ADAMTS19: variants seen among roughly 807,000 people sequenced by gnomAD.
ADAMTS19 encodes A disintegrin and metalloproteinase with thrombospondin motifs 19.
Under a neutral mutation model 153.3 loss-of-function variants are expected in ADAMTS19, and 93 were observed. The ratio of observed to expected loss-of-function variants is 0.61; its 90% confidence interval spans 0.51 to 0.72. The LOEUF is 0.72. Ranked by LOEUF, ADAMTS19 falls within the 30% of genes least tolerant of loss-of-function variation. The pLI is 0.00. For synonymous variants in ADAMTS19, 600 were observed against 556.6 expected, an observed-to-expected ratio of 1.08 and a Z score of -1.10; for missense variants, 1,482 against 1,552.1, an observed-to-expected ratio of 0.95 and a Z score of 0.76.
At chr5:129,648,594 GTA>G (rs1753171127) in intron 12 of ADAMTS19, among the ~76,000 whole-genome samples, 1 of 151,904 alleles carries the variant, frequency 6.6e-6, no homozygotes. Context: ...ATTTTGGAAG[GTA>G]TATTGATCAA....
chr5:129,537,085 A>G (rs1012644576), intron 6 of ADAMTS19, among the ~76,000 whole-genome samples: 27 of 152,188 alleles, frequency 1.8e-4, no homozygotes, highest in African/African-American at 6.5e-4. Flanking sequence ...AGAAAAAAGA[A>G]AAAAACAACC....
chr5:129,650,845 A>C (rs1377564496), intron 13 of ADAMTS19, among the ~76,000 whole-genome samples: 1 of 152,104 alleles, frequency 6.6e-6, no homozygotes, highest in East Asian at 1.9e-4. Context: ...CACCCTTCTC[A>C]AAAGACCTGC....
At chr5:129,475,461 G>A (rs920040224) in intron 2 of ADAMTS19, among the ~76,000 whole-genome samples, 1 of 152,164 alleles carries the variant, frequency 6.6e-6, no homozygotes, top group Non-Finnish European at 1.5e-5. Flanking sequence ...ATACCATACT[G>A]TATTGATTTA....
intron 21 of ADAMTS19, among the ~76,000 whole-genome samples, chr5:129,711,675 CA>C (rs1414552029): frequency 3.5e-4 from 45 of 127,224 alleles, no homozygotes; most frequent in East Asian, 1.8e-3. Flanking sequence ...GACTCTGTCT[CA>C]AAAAAAAAAA....
At chr5:129,558,288 A>T (rs1753382519) in intron 7 of ADAMTS19, among the ~76,000 whole-genome samples, 1 of 152,138 alleles carries the variant, frequency 6.6e-6, no homozygotes, top group Admixed American at 6.5e-5. Context: ...AAAACAGATT[A>T]TAGAATTAAA....
Position 129,461,424 on chromosome 5 carries a change from G to T in ADAMTS19, c.414G>T (p.Leu138Phe). 7.2e-7 allele frequency: 1 copy of T among 1,396,530 alleles called. No homozygotes were observed. The allele number at this position is 1,396,530 out of a possible 1,614,324, so 86.5% of individuals were successfully genotyped here. Residue 138 changes from leucine (L) to phenylalanine (F), a missense_variant, in exon 2 of 23, where the codon TTG becomes TTT. By Grantham distance (22) the Leu-to-Phe change is conservative. Around this residue, in one of 2 missense-constraint regions of ADAMTS19, gnomAD observed 866 missense variants for 827.7 expected, o/e 1.05. Coordinates refer to ENST00000274487, the MANE Select transcript of ADAMTS19 (RefSeq NM_133638.6). This position sits in a 1 kb window ranked among gnomAD's most constrained non-coding sequence, Gnocchi z 4.6. ...LPRGSSGAAALSPGAPASWQP... is the reference protein window; with the variant it reads ...LPRGSSGAAAFSPGAPASWQP... ...GGGGATCCAGCGGGGCTGCCGCCTTGTCCCCGGGCGCCCCGGCCTCGTGGC... is the reference window on the plus strand; with the variant it reads ...GGGGATCCAGCGGGGCTGCCGCCTTTTCCCCGGGCGCCCCGGCCTCGTGGC...
At chr5:129,531,725 G>A (rs1408004147) in intron 6 of ADAMTS19, among the ~76,000 whole-genome samples, 2 of 152,100 alleles carry the variant, frequency 1.3e-5, no homozygotes, top group East Asian at 1.9e-4. Context: ...GAACAAATTG[G>A]ATGGACTTAC....
chr5:129,593,288 C>A (rs1750229787), intron 7 of ADAMTS19, among the ~76,000 whole-genome samples: 1 of 152,148 alleles, frequency 6.6e-6, no homozygotes, highest in Admixed American at 6.6e-5. Context: ...GGCCACCTAC[C>A]ACTGTCCCAA....
chr5:129,652,039 T>C (rs1753339409), intron 13 of ADAMTS19, among the ~76,000 whole-genome samples: 1 of 152,000 alleles, frequency 6.6e-6, no homozygotes, highest in African/African-American at 2.4e-5. Context: ...TAAAAAAAAA[T>C]CAGAGTTGGA....
intron 10 of ADAMTS19, among the ~76,000 whole-genome samples, chr5:129,635,078 A>G (rs538992125): frequency 2.0e-4 from 30 of 152,266 alleles, no homozygotes; most frequent in African/African-American, 7.0e-4. Flanking sequence ...TACAAGCAAA[A>G]AACAAGCAAC....
At chr5:129,717,386 A>G (rs1157763252) in intron 21 of ADAMTS19, among the ~76,000 whole-genome samples, 1 of 152,190 alleles carries the variant, frequency 6.6e-6, no homozygotes, top group African/African-American at 2.4e-5. Context: ...ATTTGATAAC[A>G]ACTAAGATTT....
At chr5:129,585,958 C>T (rs1433202683) in intron 7 of ADAMTS19, among the ~76,000 whole-genome samples, 1 of 151,680 alleles carries the variant, frequency 6.6e-6, no homozygotes, top group African/African-American at 2.4e-5. Flanking sequence ...GTGTTTTGTT[C>T]TGTTTGTTTT....
At chr5:129,678,097 GCCA>G (rs1754630629) in intron 16 of ADAMTS19, among the ~76,000 whole-genome samples, 1 of 152,076 alleles carries the variant, frequency 6.6e-6, no homozygotes, top group Non-Finnish European at 1.5e-5. Flanking sequence ...ACAGGTGTGA[GCCA>G]CCACACCGGC....
At chr5:129,514,443 A>G (rs890943834) in intron 3 of ADAMTS19, among the ~76,000 whole-genome samples, 4 of 152,048 alleles carry the variant, frequency 2.6e-5, no homozygotes, top group Non-Finnish European at 4.4e-5. Flanking sequence ...CATCCTTGCC[A>G]GTATTTGTTG....
At chr5:129,584,306 A>C (rs1184349534) in intron 7 of ADAMTS19, among the ~76,000 whole-genome samples, 1 of 152,114 alleles carries the variant, frequency 6.6e-6, no homozygotes, top group Non-Finnish European at 1.5e-5. Context: ...TACCAGCCAG[A>C]ACTCTCCTGT....
intron 17 of ADAMTS19, among the ~76,000 whole-genome samples, chr5:129,683,426 C>A (rs1754918666): frequency 6.6e-6 from 1 of 151,492 alleles, no homozygotes; most frequent in Non-Finnish European, 1.5e-5. Context: ...TATATATGTG[C>A]ATAACTGTAC....
chr5:129,533,272 C>G (rs6865026), intron 6 of ADAMTS19, among the ~76,000 whole-genome samples: 45,678 of 151,994 alleles, frequency 0.3, 9,985 homozygotes, highest in African/African-American at 0.62. Flanking sequence ...TTCTGTAGTG[C>G]TGGAAATATT....
intron 2 of ADAMTS19, among the ~76,000 whole-genome samples, chr5:129,476,060 T>C (rs536961433): frequency 6.6e-6 from 1 of 152,208 alleles, no homozygotes; most frequent in South Asian, 2.1e-4. Context: ...ACTAGAGAAT[T>C]GGTAGGGTGT....
intron 3 of ADAMTS19, among the ~76,000 whole-genome samples, chr5:129,524,355 A>G (rs1273211361): frequency 6.6e-6 from 1 of 152,194 alleles, no homozygotes; most frequent in Non-Finnish European, 1.5e-5. Flanking sequence ...TAAAAACCCT[A>G]GAAGAAAACT....
Sources: allele counts gnomAD v4.1 joint callset (sites outside exome capture counted in the v4.1 genomes callset), GRCh38; gene constraint gnomAD v4.1.1; regional missense constraint gnomAD v4.1.1; non-coding constraint Gnocchi (gnomAD v3.1); transcripts MANE v1.5; gene names NCBI Gene and HGNC (gene_info 2026-07-23, HGNC 2026-07-21).